The following C5 variants were observed in gnomAD, a reference collection of about 807,000 sequenced individuals.
C5 encodes complement C5.
A neutral mutation model predicts 218.8 loss-of-function variants in C5; 140 were observed. The ratio of observed to expected loss-of-function variants is 0.64; its 90% CI spans 0.56 to 0.74. C5 has a LOEUF of 0.74. Ranked by LOEUF, C5 falls within the 30% of genes least tolerant of loss-of-function variation. C5 has a pLI of 0.00. For missense variants in C5, 1,700 were observed against 1,969.6 expected (o/e 0.86, Z 2.59); for synonymous variants, 614 against 682.3 (o/e 0.90, Z 1.56).
At position 121,025,457 on chromosome 9, in the gene C5, T is replaced by C; in HGVS notation, c.997A>G (p.Thr333Ala). The change falls in exon 9 of 41, where the codon ACA becomes GCA. Residue 333 changes from threonine (T) to alanine (A), a missense_variant. Thr to Ala is a moderately conservative substitution (Grantham distance 58). Coordinates refer to ENST00000223642, the MANE Select transcript of C5 (RefSeq NM_001735.3). ...ACACACACACACACACACTTACCTG[T>C]AGACTCTATGACTGTTACAGCAATA... is the stretch of plus-strand genomic sequence containing the variant. ...LYIAVTVIES[T>A]GGFSEEAEIP... The C allele has an allele frequency of 7.0e-7, 1 of 1,424,934 alleles. No individual in the cohort carries two copies. Among genetic ancestry groups the C allele is most frequent in the Non-Finnish European group, 9.4e-7 (1 of 1,059,446 alleles). The allele number at this position is 1,424,934 out of a possible 1,614,324, so 88.3% of individuals were successfully genotyped here.
intron 35 of C5, 30 bp downstream of exon 35, chr9:120,962,863 A>T (rs1247087433): frequency 6.2e-7 from 1 of 1,608,440 alleles, no homozygotes; most frequent in Admixed American, 1.7e-5. Flanking sequence ...TAGTAATAGT[A>T]AAGGAAAAAT....
chr9:120,999,605 C>T (rs1008199820), intron 20 of C5: 2 of 213,942 alleles, frequency 9.3e-6, no homozygotes, highest in African/African-American at 4.8e-5. Context: ...GGAACTGAAT[C>T]CAGCCAACTG....
At chr9:121,070,930 A>C in the C5 span, among the ~76,000 whole-genome samples, 1 of 152,318 alleles carries the variant, frequency 6.6e-6, no homozygotes, top group Non-Finnish European at 1.5e-5. Context: ...TGGATATGCT[A>C]ATTACTCCAA....
the C5 span, among the ~76,000 whole-genome samples, chr9:121,059,607 G>A: frequency 6.6e-6 from 1 of 152,146 alleles, no homozygotes; most frequent in Non-Finnish European, 1.5e-5. This position sits in a 1 kb window ranked among gnomAD's most constrained non-coding sequence, Gnocchi z 4.1. Flanking sequence ...TACCTCCCTC[G>A]TATTCATGCC....
rs201653391 is a variant in C5 at position 121,024,375 on chromosome 9, G to A, written c.1001-856C>T. ...AGGGGAGCGGGAGGGGGGAGGGGGA[G>A]GGAAGGGGACATGACCAGACAACTG... On this transcript the variant is annotated intron_variant, in intron 9 of 40. Coordinates refer to ENST00000223642, the MANE Select transcript of C5 (RefSeq NM_001735.3). Among the ~76,000 whole-genome samples, 100 of 103,502 alleles carry A rather than the reference G, an allele frequency of 9.7e-4. 3 individuals carry two copies. The highest frequency in any genetic ancestry group is 1.3e-3 in the Non-Finnish European group (67 of 50,908). 67.9% of individuals were successfully genotyped at this position (103,502 alleles called of 152,430 possible).
At chr9:120,982,252 C>G (rs770022463) in intron 26 of C5, among the ~76,000 whole-genome samples, 1 of 152,182 alleles carries the variant, frequency 6.6e-6, no homozygotes. Context: ...CCTCATGATC[C>G]GCCCGCCTTG....
At chr9:121,017,272 C>T in intron 14 of C5, 90 bp downstream of exon 14, 5 of 1,466,302 alleles carry the variant, frequency 3.4e-6, no homozygotes, top group Non-Finnish European at 4.7e-6. Flanking sequence ...TACAGAAAAG[C>T]AGGCCTAGTC....
intron 21 of C5, 82 bp downstream of exon 21, chr9:120,997,465 A>G: frequency 2.9e-6 from 3 of 1,033,264 alleles, no homozygotes; most frequent in Non-Finnish European, 4.4e-6. Flanking sequence ...TTAAATTTAC[A>G]CTATTGTTTC....
chr9:121,071,177 G>A, the C5 span, among the ~76,000 whole-genome samples: 55,061 of 151,688 alleles, frequency 0.36, 12,408 homozygotes, highest in South Asian at 0.64. Context: ...AAAAATAGCT[G>A]GGCGTGGAGT....
intron 19 of C5, 47 bp from the exon 20 acceptor site, chr9:121,006,105 T>C (rs749632120): frequency 1.3e-6 from 2 of 1,579,686 alleles, no homozygotes; most frequent in East Asian, 2.2e-5. Context: ...AGGAAATTCC[T>C]ATAATGTTTT....
intron 31 of C5, 133 bp from the exon 32 acceptor site, chr9:120,970,384 T>G (rs148370589): frequency 3.1e-5 from 22 of 704,450 alleles, no homozygotes; most frequent in South Asian, 3.0e-4. Flanking sequence ...TGGTGTACAT[T>G]AGTGACTCAT....
chr9:120,975,648 C>T (rs530226487), intron 29 of C5, among the ~76,000 whole-genome samples: 1 of 152,316 alleles, frequency 6.6e-6, no homozygotes, highest in East Asian at 1.9e-4. Context: ...CAACCCTCCA[C>T]TCTGCCTTCT....
chr9:121,021,756 C>A (rs2047368010), intron 10 of C5, 62 bp from the exon 11 acceptor site: 2 of 1,381,374 alleles, frequency 1.4e-6, no homozygotes, highest in South Asian at 1.2e-5. Context: ...AAGCACAATT[C>A]TGAAATAATT....
At chr9:121,070,417 A>ATATG in the C5 span, among the ~76,000 whole-genome samples, 14 of 128,548 alleles carry the variant, frequency 1.1e-4, no homozygotes, top group African/African-American at 4.2e-4. Flanking sequence ...ATATATATAT[A>ATATG]TATATATATG....
rs944630589 is a variant in C5, at chr9:120,989,632, A to G, written c.3090T>C (p.His1030=). Residue 1030 remains histidine, a synonymous_variant, in exon 24 of 41, where the codon CAT becomes CAC. Coordinates refer to ENST00000223642, the MANE Select transcript of C5 (RefSeq NM_001735.3). The stretch of plus-strand genomic sequence containing the variant: ...ATGGGTCAGAATGAAAAATGTTCCA[A>G]TGATTTCCTGTTTCCAGGTAGTGAA... ...YVFHYLETGN[H]WNIFHSDPLI... is the part of the protein sequence containing the mutation. 6.2e-6 allele frequency: 10 copies of G among 1,613,594 alleles called. No homozygotes were observed. The African/African-American group carries it at 8.0e-5, about 13-fold the overall frequency.
chr9:120,980,911 TA>T (rs2046988243), intron 27 of C5, among the ~76,000 whole-genome samples: 1 of 152,152 alleles, frequency 6.6e-6, no homozygotes, highest in African/African-American at 2.4e-5. Flanking sequence ...ACACAACTTT[TA>T]TTGTTCCCTC....
At chr9:121,040,684 A>G (rs975771598) in intron 3 of C5, among the ~76,000 whole-genome samples, 1 of 152,084 alleles carries the variant, frequency 6.6e-6, no homozygotes, top group Non-Finnish European at 1.5e-5. Context: ...GTTAATTCTC[A>G]CAACTCTATG....
chr9:121,000,784 A>G (rs534479453), intron 20 of C5, among the ~76,000 whole-genome samples: 1 of 152,272 alleles, frequency 6.6e-6, no homozygotes, highest in Non-Finnish European at 1.5e-5. Flanking sequence ...CATTCAGGTA[A>G]TAAGCATAGT....
chr9:121,017,635 T>A lies in C5; in HGVS notation c.1716+8A>T. 6.2e-7 allele frequency: 1 copy of A among 1,612,114 alleles called. No homozygotes were observed. Among genetic ancestry groups the A allele is most frequent in the Non-Finnish European group, 8.5e-7 (1 of 1,178,486 alleles). Reference sequence around the variant, plus strand: ...AAATTCAATTGTGACTTATAATTTGTGGCTTACCTGGAGCTGGTTGCCACA... The same window carrying A: ...AAATTCAATTGTGACTTATAATTTGAGGCTTACCTGGAGCTGGTTGCCACA... On this transcript the variant is annotated splice_region_variant and intron_variant, in intron 13 of 40. Coordinates refer to ENST00000223642, the MANE Select transcript of C5 (RefSeq NM_001735.3).
Sources: allele counts gnomAD v4.1 joint callset (sites outside exome capture counted in the v4.1 genomes callset), GRCh38; gene constraint gnomAD v4.1.1; non-coding constraint Gnocchi (gnomAD v3.1); transcripts MANE v1.5; gene names NCBI Gene and HGNC (gene_info 2026-07-23, HGNC 2026-07-21).